Variants in HDAC4 observed in about 807,000 individuals in gnomAD.
HDAC4 encodes the protein histone deacetylase A.
HDAC4 carries 16 observed loss-of-function variants against 135.1 expected under a neutral mutation model. The observed-to-expected ratio is 0.12, with a 90% CI of 0.08 to 0.18. The LOEUF (loss-of-function observed/expected upper bound fraction) is 0.18. Among genes scored for constraint, HDAC4 ranks in the 10% least tolerant of loss-of-function variants. The probability of loss-of-function intolerance (pLI) is 1.00; values close to 1 mark genes in which losing one functional copy is unlikely to be tolerated. For synonymous variants in HDAC4, 685 were observed against 653.4 expected (o/e 1.05, Z -0.74); for missense variants, 1,143 against 1,511.8 (o/e 0.76, Z 4.05).
At chr2:239,222,957 G>T (rs915241459) in intron 3 of HDAC4, among the ~76,000 whole-genome samples, 2 of 152,110 alleles carry the variant, frequency 1.3e-5, no homozygotes, top group Admixed American at 1.3e-4. Flanking sequence ...CATCTCTCCA[G>T]CCTGCTCACA....
At chr2:239,376,638 T>C (rs975030320) in intron 1 of HDAC4, among the ~76,000 whole-genome samples, 54 of 152,344 alleles carry the variant, frequency 3.5e-4, no homozygotes, top group South Asian at 2.1e-4. Flanking sequence ...ATGAACGCCA[T>C]CCAGCCACAG....
At chr2:239,095,122 G>A in intron 16 of HDAC4, 66 bp from the exon 17 acceptor site, 3 of 1,576,354 alleles carry the variant, frequency 1.9e-6, no homozygotes, top group South Asian at 1.1e-5. Flanking sequence ...GACAGGCCCT[G>A]GGCGCACTCC....
chr2:239,342,882 G>A (rs764772841), intron 2 of HDAC4, among the ~76,000 whole-genome samples: 4 of 152,126 alleles, frequency 2.6e-5, no homozygotes, highest in Non-Finnish European at 5.9e-5. Context: ...CACTGTCAAG[G>A]GGGCTCCCAA....
chr2:239,171,094 C>T (rs999237013), intron 5 of HDAC4, among the ~76,000 whole-genome samples: 2 of 151,532 alleles, frequency 1.3e-5, no homozygotes, highest in Non-Finnish European at 2.9e-5. Flanking sequence ...CATCCCAGGT[C>T]CCCCATCATC....
At chr2:239,188,107 A>G (rs1249204367) in intron 4 of HDAC4, among the ~76,000 whole-genome samples, 1 of 152,154 alleles carries the variant, frequency 6.6e-6, no homozygotes, top group African/African-American at 2.4e-5. Context: ...CGTTCCCTCA[A>G]GGCCAGAGGG....
chr2:239,312,520 A>G (rs1201558910), intron 2 of HDAC4, among the ~76,000 whole-genome samples: 3 of 152,210 alleles, frequency 2.0e-5, no homozygotes, highest in Non-Finnish European at 4.4e-5. Context: ...TTCACGAGGA[A>G]AATGTCCCCG....
intron 22 of HDAC4, among the ~76,000 whole-genome samples, chr2:239,071,255 T>C (rs1224554792): frequency 6.6e-6 from 1 of 151,910 alleles, no homozygotes; most frequent in Non-Finnish European, 1.5e-5. Flanking sequence ...CCATCTCCAC[T>C]AAAAATACAA....
intron 12 of HDAC4, among the ~76,000 whole-genome samples, chr2:239,118,297 C>T (rs1302637709): frequency 6.6e-6 from 1 of 152,178 alleles, no homozygotes; most frequent in Non-Finnish European, 1.5e-5. Context: ...TATCTCTAAA[C>T]CGAAGGCAGC....
chr2:239,086,662 C>G (rs1311210466), intron 19 of HDAC4, among the ~76,000 whole-genome samples: 1 of 152,224 alleles, frequency 6.6e-6, no homozygotes. Context: ...GGCCCTTTCC[C>G]GGGCCCCTGC....
chr2:239,272,514 A>G (rs996269843), intron 2 of HDAC4, among the ~76,000 whole-genome samples: 1 of 152,246 alleles, frequency 6.6e-6, no homozygotes, highest in African/African-American at 2.4e-5. Context: ...TTAAACAGAC[A>G]TTTCTCCAAA....
rs2052961159 is a variant in HDAC4 at position 239,313,064 on chromosome 2, T to C, written c.22+39614A>G. On this transcript the variant is annotated intron_variant, in intron 2 of 26. Coordinates refer to ENST00000543185, the MANE Select transcript of HDAC4 (RefSeq NM_001378414.1). This position sits in a 1 kb window ranked among gnomAD's most constrained non-coding sequence, Gnocchi z 5.1. Reference sequence around the variant, plus strand: ...AGGTGGCCAGCCTGGGGCAGGGTGTTCCCCCAGCCAGGGAGCTTCACTCAG... The same window carrying C: ...AGGTGGCCAGCCTGGGGCAGGGTGTCCCCCCAGCCAGGGAGCTTCACTCAG... 6.6e-6 allele frequency among the ~76,000 whole-genome samples: 1 copy of C among 151,944 alleles called. No individual in the cohort carries two copies. The highest frequency in any genetic ancestry group is 6.6e-5 in the Admixed American group (1 of 15,262).
chr2:239,194,929 G>A (rs1054965717), intron 3 of HDAC4, among the ~76,000 whole-genome samples: 7 of 152,192 alleles, frequency 4.6e-5, no homozygotes, highest in Admixed American at 1.3e-4. Flanking sequence ...GTTACTCCTC[G>A]CAGATCTGTG....
intron 24 of HDAC4, among the ~76,000 whole-genome samples, chr2:239,063,274 C>G (rs13417787): frequency 0.032 from 4,852 of 152,038 alleles, 257 homozygotes; most frequent in African/African-American, 0.11. Context: ...GATCTCGGCT[C>G]ACTGCAGGCT....
chr2:239,299,896 G>T lies in HDAC4; in HGVS notation c.22+52782C>A, dbSNP rs79679180. Among the ~76,000 whole-genome samples the T allele has an allele frequency of 1.0e-3, 152 of 152,332 alleles. No individual in the cohort carries two copies. The highest frequency in any genetic ancestry group is 3.6e-3 in the African/African-American group (148 of 41,570). ...CTGGGGACTAAGCAGATGGGAGACC[G>T]GCAGTCCTGGGGCTCGGGAGACAGG... On this transcript the variant is annotated intron_variant, in intron 2 of 26. Transcript: ENST00000543185. The surrounding 1 kb of genome is among the most constrained non-coding windows in gnomAD (Gnocchi z 4.0).
intron 22 of HDAC4, among the ~76,000 whole-genome samples, chr2:239,074,499 G>A (rs2034533684): frequency 6.6e-6 from 1 of 152,260 alleles, no homozygotes; most frequent in African/African-American, 2.4e-5. Context: ...CTCAAAGCCA[G>A]TCAAAACAAA....
chr2:239,165,882 A>G (rs2043098020), intron 5 of HDAC4, among the ~76,000 whole-genome samples: 2 of 152,126 alleles, frequency 1.3e-5, no homozygotes, highest in South Asian at 2.1e-4. Flanking sequence ...TCAGTGGTTA[A>G]TAAGCCATCA....
intron 7 of HDAC4, 65 bp from the exon 8 acceptor site, chr2:239,144,779 T>A: frequency 6.3e-7 from 1 of 1,581,698 alleles, no homozygotes; most frequent in South Asian, 1.1e-5. Flanking sequence ...ATCCTGTTGG[T>A]GGTTTTTTAA....
chr2:239,176,494 G>A lies in HDAC4; in HGVS notation c.409C>T (p.His137Tyr), dbSNP rs2043783056. The A allele has an allele frequency of 1.2e-6, 2 of 1,613,342 alleles. No homozygotes were observed. The highest frequency in any genetic ancestry group is 1.7e-6 in the Non-Finnish European group (2 of 1,179,840). ...LLEHQRKLER[H>Y]RQEQELEKQH... ...TTCTCCAGCTCCTGCTCCTGGCGGTGCCTCTCCAGCTTCCGCTGGTGTTCC... is the reference window on the plus strand; with the variant it reads ...TTCTCCAGCTCCTGCTCCTGGCGGTACCTCTCCAGCTTCCGCTGGTGTTCC... The change falls in exon 5 of 27, where the codon CAC becomes TAC. Residue 137 changes from histidine (H) to tyrosine (Y), a missense_variant. By Grantham distance (83) the His-to-Tyr change is moderately conservative. Transcript: ENST00000543185.
chr2:239,309,836 C>T lies in HDAC4; in HGVS notation c.22+42842G>A, dbSNP rs2052786160. ...CACACACTCAGACCATGGATGTGGC[C>T]GTGCCAGCAGGGAGGCCAGCAGCCC... On this transcript the variant is annotated intron_variant, in intron 2 of 26. Coordinates refer to ENST00000543185, the MANE Select transcript of HDAC4 (RefSeq NM_001378414.1). This position sits in a 1 kb window ranked among gnomAD's most constrained non-coding sequence, Gnocchi z 4.2. 1.3e-5 allele frequency among the ~76,000 whole-genome samples: 2 copies of T among 152,208 alleles called. No homozygotes were observed. Among genetic ancestry groups the T allele is most frequent in the Non-Finnish European group, 2.9e-5 (2 of 68,034 alleles).
Sources: allele counts gnomAD v4.1 joint callset (sites outside exome capture counted in the v4.1 genomes callset), GRCh38; gene constraint gnomAD v4.1.1; non-coding constraint Gnocchi (gnomAD v3.1); transcripts MANE v1.5; gene names NCBI Gene and HGNC (gene_info 2026-07-23, HGNC 2026-07-21).